ADAMTS3: variants seen among roughly 807,000 people sequenced by gnomAD.
ADAMTS3 encodes the protein A disintegrin and metalloproteinase with thrombospondin motifs 3.
Under a neutral mutation model 129.0 loss-of-function variants are expected in ADAMTS3, and 73 were observed. That is an observed-to-expected ratio of 0.57 (90% confidence interval 0.47 to 0.69). The LOEUF (loss-of-function observed/expected upper bound fraction) is 0.69. Among genes scored for constraint, ADAMTS3 ranks in the 30% least tolerant of loss-of-function variants. ADAMTS3 has a pLI of 0.00. For missense variants in ADAMTS3, 1,457 were observed against 1,514.5 expected (o/e 0.96, Z 0.63); for synonymous variants, 477 against 510.8 (o/e 0.93, Z 0.89).
At chr4:72,335,634 A>G (rs550293907) in intron 5 of ADAMTS3, among the ~76,000 whole-genome samples, 1 of 152,242 alleles carries the variant, frequency 6.6e-6, no homozygotes, top group East Asian at 1.9e-4. Context: ...TGTTTTATGA[A>G]CTGTAAATAA....
intron 4 of ADAMTS3, among the ~76,000 whole-genome samples, chr4:72,406,949 C>T (rs142635130): frequency 1.3e-5 from 2 of 152,002 alleles, no homozygotes; most frequent in Non-Finnish European, 2.9e-5. Context: ...AAAATGATAC[C>T]CTGCAGAGAA....
At chr4:72,423,089 T>G (rs550251226) in intron 3 of ADAMTS3, among the ~76,000 whole-genome samples, 1 of 152,278 alleles carries the variant, frequency 6.6e-6, no homozygotes, top group Admixed American at 6.5e-5. Flanking sequence ...CTGTGACAAC[T>G]AAACGTGGTT....
At chr4:72,566,389 C>T (rs900372462) in intron 2 of ADAMTS3, among the ~76,000 whole-genome samples, 1 of 152,158 alleles carries the variant, frequency 6.6e-6, no homozygotes, top group Non-Finnish European at 1.5e-5. Flanking sequence ...ACAATAGTAT[C>T]CCCACCTCAC....
chr4:72,428,770 G>C (rs762136314), intron 3 of ADAMTS3, among the ~76,000 whole-genome samples: 10 of 151,860 alleles, frequency 6.6e-5, no homozygotes, highest in Non-Finnish European at 1.5e-4. Flanking sequence ...AGTTTTACTA[G>C]ATAATCTCTA....
Position 72,315,950 on chromosome 4 carries a change from T to C in ADAMTS3, c.1507A>G (p.Lys503Glu), listed in dbSNP as rs1338410993. The C allele has an allele frequency of 1.9e-6, 3 of 1,612,400 alleles. No homozygotes were observed. The highest frequency in any genetic ancestry group is 2.5e-6 in the Non-Finnish European group (3 of 1,179,166). ...TCAGGATGGCTACACCACAGCTGTT[T>C]ACATGGGTCAAAGGTTCGGAACTGG... ...CTAFRTFDPC[K>E]QLWCSHPDNP... Residue 503 changes from lysine (K) to glutamate (E), a missense_variant, in exon 11 of 22, where the codon AAA becomes GAA. By Grantham distance (56) the Lys-to-Glu change is moderately conservative (BLOSUM62 1). Coordinates refer to ENST00000286657, the MANE Select transcript of ADAMTS3 (RefSeq NM_014243.3).
chr4:72,405,786 A>C (rs1016700034), intron 4 of ADAMTS3, among the ~76,000 whole-genome samples: 1 of 152,124 alleles, frequency 6.6e-6, no homozygotes, highest in African/African-American at 2.4e-5. Context: ...GCCAAGTCTC[A>C]GATGGGGAGA....
chr4:72,345,106 G>A (rs933946958), intron 4 of ADAMTS3, among the ~76,000 whole-genome samples: 2 of 152,120 alleles, frequency 1.3e-5, no homozygotes, highest in African/African-American at 4.8e-5. Context: ...ATGTATCATA[G>A]TAGCATTCTC....
At chr4:72,494,828 G>C (rs1719836655) in intron 3 of ADAMTS3, among the ~76,000 whole-genome samples, 1 of 152,158 alleles carries the variant, frequency 6.6e-6, no homozygotes, top group Non-Finnish European at 1.5e-5. Context: ...TCAGGCAGAT[G>C]CAACAATGAA....
intron 3 of ADAMTS3, among the ~76,000 whole-genome samples, chr4:72,435,089 A>G (rs973867602): frequency 1.3e-5 from 2 of 151,892 alleles, no homozygotes; most frequent in Non-Finnish European, 2.9e-5. Context: ...TTGAGCAAAG[A>G]CATAGTTTCT....
chr4:72,460,340 C>T (rs2109983021), intron 3 of ADAMTS3, among the ~76,000 whole-genome samples: 1 of 151,350 alleles, frequency 6.6e-6, no homozygotes, highest in African/African-American at 2.4e-5. Context: ...TGTATTTTAA[C>T]CATTTGAAAG....
intron 2 of ADAMTS3, among the ~76,000 whole-genome samples, chr4:72,555,353 A>G (rs2679018): frequency 0.96 from 146,110 of 151,720 alleles, 70,757 homozygotes; most frequent in East Asian, 1. Context: ...GCATGCCTAC[A>G]TTCACAGCCC....
chr4:72,425,899 G>A (rs1722561527), intron 3 of ADAMTS3, among the ~76,000 whole-genome samples: 1 of 151,684 alleles, frequency 6.6e-6, no homozygotes, highest in South Asian at 2.1e-4. Context: ...GATCCCTGAG[G>A]AATCACCACA....
At chr4:72,507,127 G>C (rs1241058188) in intron 3 of ADAMTS3, among the ~76,000 whole-genome samples, 2 of 152,072 alleles carry the variant, frequency 1.3e-5, no homozygotes, top group Non-Finnish European at 2.9e-5. Context: ...GCATATATAA[G>C]TGTGTATAAA....
chr4:72,437,349 C>T (rs1377339896), intron 3 of ADAMTS3, among the ~76,000 whole-genome samples: 1 of 151,786 alleles, frequency 6.6e-6, no homozygotes, highest in Non-Finnish European at 1.5e-5. Flanking sequence ...GAACCACGTA[C>T]ATCGAAAATT....
At chr4:72,506,984 TTTTC>T (rs1335286894) in intron 3 of ADAMTS3, among the ~76,000 whole-genome samples, 1 of 152,176 alleles carries the variant, frequency 6.6e-6, no homozygotes, top group African/African-American at 2.4e-5. Flanking sequence ...CTTCTAAATT[TTTTC>T]TTTGAGGGGA....
intron 3 of ADAMTS3, among the ~76,000 whole-genome samples, chr4:72,530,858 A>T (rs1261135099): frequency 7.8e-6 from 1 of 128,388 alleles, no homozygotes; most frequent in Non-Finnish European, 1.6e-5. Flanking sequence ...ATAATATTTT[A>T]TATGATATAT....
intron 3 of ADAMTS3, among the ~76,000 whole-genome samples, chr4:72,462,379 A>G (rs1331749234): frequency 1.3e-5 from 2 of 152,032 alleles, no homozygotes; most frequent in African/African-American, 4.8e-5. Context: ...AAGTCTCATC[A>G]TAGCCCTTGG....
intron 4 of ADAMTS3, among the ~76,000 whole-genome samples, chr4:72,371,326 G>C (rs1720999641): frequency 6.6e-6 from 1 of 151,936 alleles, no homozygotes; most frequent in African/African-American, 2.4e-5. Context: ...CTGTCATGCT[G>C]CATAAGAAGG....
intron 3 of ADAMTS3, among the ~76,000 whole-genome samples, chr4:72,488,082 C>CT (rs541400956): frequency 9.7e-4 from 147 of 152,046 alleles, no homozygotes; most frequent in Non-Finnish European, 1.9e-3. Flanking sequence ...ACAATCAAGT[C>CT]TTTTTTTATT....
Sources: gnomAD v4.1 joint callset for allele counts (sites outside exome capture counted in the v4.1 genomes callset) on GRCh38, gnomAD v4.1.1 for gene constraint, MANE v1.5 for transcripts, NCBI Gene and HGNC (gene_info 2026-07-23, HGNC 2026-07-21) for gene names.